The following ICA1 variants were observed in gnomAD, a reference collection of about 807,000 sequenced individuals.
ICA1 encodes the protein islet cell autoantigen 1.
Under a neutral mutation model 71.0 loss-of-function variants are expected in ICA1, and 40 were observed. The observed-to-expected ratio is 0.56, with a 90% CI of 0.44 to 0.73. The LOEUF is 0.73. Ranked by LOEUF, ICA1 falls within the 30% of genes least tolerant of loss-of-function variation. The pLI, the probability that ICA1 is intolerant of heterozygous loss-of-function variation, is 0.00. For synonymous variants in ICA1, 207 were observed against 209.5 expected, an observed-to-expected ratio of 0.99 and a Z score of 0.10; for missense variants, 578 against 576.5, an observed-to-expected ratio of 1.00 and a Z score of -0.03.
At chr7:8,260,133 T>C (rs1054953248) in intron 1 of ICA1, among the ~76,000 whole-genome samples, 2 of 152,188 alleles carry the variant, frequency 1.3e-5, no homozygotes, top group Non-Finnish European at 2.9e-5. Flanking sequence ...GAGGTTTCTA[T>C]AATCTTAAAA....
intron 10 of ICA1, among the ~76,000 whole-genome samples, chr7:8,140,318 G>A (rs554150587): frequency 2.0e-5 from 3 of 152,240 alleles, no homozygotes; most frequent in East Asian, 1.9e-4. Context: ...CCTGCCACTC[G>A]CTCCCCCTCA....
intron 9 of ICA1, chr7:8,142,164 T>G (rs1056811553): frequency 1.0e-5 from 5 of 481,140 alleles, no homozygotes. Context: ...AGAATCCATT[T>G]CTTCTGATTC....
At chr7:8,238,334 G>A (rs79649851) in intron 1 of ICA1, among the ~76,000 whole-genome samples, 5 of 152,262 alleles carry the variant, frequency 3.3e-5, no homozygotes, top group Middle Eastern at 3.4e-3. Context: ...ATAGCCATCC[G>A]AAGCATTGTG....
intron 12 of ICA1, among the ~76,000 whole-genome samples, chr7:8,134,359 C>T (rs1214524683): frequency 6.6e-6 from 1 of 152,184 alleles, no homozygotes; most frequent in African/African-American, 2.4e-5. Flanking sequence ...ACAGCTCACT[C>T]AGGTGGTATT....
intron 1 of ICA1, among the ~76,000 whole-genome samples, chr7:8,239,976 G>A (rs898067818): frequency 3.3e-5 from 5 of 152,192 alleles, no homozygotes; most frequent in East Asian, 1.9e-4. Flanking sequence ...GAAGGGCATC[G>A]CTGAACAAAA....
intron 8 of ICA1, among the ~76,000 whole-genome samples, chr7:8,145,996 C>T (rs1417982333): frequency 6.6e-6 from 1 of 152,078 alleles, no homozygotes; most frequent in Non-Finnish European, 1.5e-5. Flanking sequence ...AGTTCTGAAG[C>T]ATTTTCTTGC....
intron 10 of ICA1, 141 bp from the exon 11 acceptor site, chr7:8,139,188 TAC>T (rs1400184664): frequency 1.8e-5 from 11 of 622,480 alleles, no homozygotes; most frequent in African/African-American, 1.6e-4. Context: ...GTCCTCAGAT[TAC>T]ACTGGACTCC....
intron 6 of ICA1, among the ~76,000 whole-genome samples, chr7:8,174,766 A>AC (rs35190464): frequency 5.7e-4 from 55 of 95,818 alleles, no homozygotes; most frequent in South Asian, 4.6e-3. Flanking sequence ...AAAAAAAAAA[A>AC]AAAAAAAAAA....
rs575117944 is a variant in ICA1 at position 8,144,955 on chromosome 7, T to G, written c.805-983A>C. On this transcript the variant is annotated intron_variant, in intron 8 of 13. Transcript: ENST00000402384. This position sits in a 1 kb window ranked among gnomAD's most constrained non-coding sequence, Gnocchi z 4.5. ...AGGTTTCATGGCCAATTCTGATTGA[T>G]TAGTACTGGCTGACTGGAGGGCCAG... Among the ~76,000 whole-genome samples the G allele has an allele frequency of 6.6e-6, 1 of 152,230 alleles. No individual in the cohort carries two copies. Among genetic ancestry groups the G allele is most frequent in the Admixed American group, 6.5e-5 (1 of 15,282 alleles).
chr7:8,138,373 T>C (rs1794113112), intron 12 of ICA1, among the ~76,000 whole-genome samples: 1 of 152,210 alleles, frequency 6.6e-6, no homozygotes, highest in Non-Finnish European at 1.5e-5. Context: ...TAACCCTGTG[T>C]TAGAGGCCAT....
At position 8,144,951 on chromosome 7, in the gene ICA1, T is replaced by C. The variant is rs556573986; in HGVS notation, c.805-979A>G. Among the ~76,000 whole-genome samples, 2 of 152,250 alleles carry C rather than the reference T, an allele frequency of 1.3e-5. No homozygotes were observed. Among genetic ancestry groups the C allele is most frequent in the East Asian group, 3.9e-4 (2 of 5,174 alleles). On this transcript the variant is annotated intron_variant, in intron 8 of 13. Coordinates refer to ENST00000402384, the MANE Select transcript of ICA1 (RefSeq NM_001136020.3). This position sits in a 1 kb window ranked among gnomAD's most constrained non-coding sequence, Gnocchi z 4.5. ...AATCAGGTTTCATGGCCAATTCTGA[T>C]TGATTAGTACTGGCTGACTGGAGGG...
chr7:8,243,649 A>C (rs1184090552), intron 1 of ICA1, among the ~76,000 whole-genome samples: 1 of 152,236 alleles, frequency 6.6e-6, no homozygotes, highest in African/African-American at 2.4e-5. Context: ...AGATGACATG[A>C]TTGTATATTT....
intron 12 of ICA1, among the ~76,000 whole-genome samples, chr7:8,136,160 C>T (rs1006986541): frequency 5.9e-5 from 9 of 152,152 alleles, no homozygotes; most frequent in African/African-American, 1.9e-4. Context: ...GGGTGATTTT[C>T]TGGGCAATGG....
intron 6 of ICA1, among the ~76,000 whole-genome samples, chr7:8,197,559 AAAAG>A (rs1788105565): frequency 2.3e-5 from 3 of 127,888 alleles, no homozygotes; most frequent in South Asian, 2.6e-4. Context: ...AAAAAAAAAA[AAAAG>A]AAGAAAGAAG....
chr7:8,245,811 C>T (rs1805775863), intron 1 of ICA1, among the ~76,000 whole-genome samples: 1 of 152,114 alleles, frequency 6.6e-6, no homozygotes, highest in Non-Finnish European at 1.5e-5. Flanking sequence ...TCAAGAGCCA[C>T]ACGGGGTTAG....
rs554727676 is a variant in ICA1 at position 8,238,565 on chromosome 7, T to C, written c.-79-2560A>G. Among the ~76,000 whole-genome samples, 5 of 152,344 alleles carry C rather than the reference T, an allele frequency of 3.3e-5. No individual in the cohort carries two copies. The East Asian group carries it at 9.6e-4, about 29-fold the overall frequency. ...AGATATTGATCCCTTATCCAATATATGGTTTGCAAATATTTTCTCATATTC... is the reference window on the plus strand; with the variant it reads ...AGATATTGATCCCTTATCCAATATACGGTTTGCAAATATTTTCTCATATTC... On this transcript the variant is annotated intron_variant, in intron 1 of 13. Coordinates refer to ENST00000402384, the MANE Select transcript of ICA1 (RefSeq NM_001136020.3).
intron 13 of ICA1, 53 bp downstream of exon 13, chr7:8,127,820 A>G: frequency 6.6e-7 from 1 of 1,522,540 alleles, no homozygotes; most frequent in Non-Finnish European, 8.8e-7. Flanking sequence ...TTGGATTGAA[A>G]ACAAAAAGAA....
chr7:8,243,818 T>C (rs1246112179), intron 1 of ICA1, among the ~76,000 whole-genome samples: 2 of 152,170 alleles, frequency 1.3e-5, no homozygotes, highest in Non-Finnish European at 2.9e-5. Flanking sequence ...CCATTCACAA[T>C]TGCTACGAAG....
chr7:8,166,106 C>G (rs1189476982), intron 6 of ICA1, among the ~76,000 whole-genome samples: 1 of 152,168 alleles, frequency 6.6e-6, no homozygotes, highest in Non-Finnish European at 1.5e-5. Context: ...ATCACATGAC[C>G]TGACTTCAAA....
Sources: gnomAD v4.1 joint callset for allele counts (sites outside exome capture counted in the v4.1 genomes callset) on GRCh38, gnomAD v4.1.1 for gene constraint, Gnocchi (gnomAD v3.1) non-coding constraint, MANE v1.5 for transcripts, NCBI Gene and HGNC (gene_info 2026-07-23, HGNC 2026-07-21) for gene names.